Variants in CATSPER2 observed in about 807,000 individuals in gnomAD.
CATSPER2 encodes cation channel sperm associated 2.
CATSPER2 carries 56 observed loss-of-function variants against 68.8 expected under a neutral mutation model. The observed-to-expected ratio is 0.81, with a 90% CI of 0.66 to 1.02. The LOEUF (loss-of-function observed/expected upper bound fraction) is 1.02. Among genes scored for constraint, CATSPER2 ranks in the 50% least tolerant of loss-of-function variants. CATSPER2 has a pLI of 0.00. For synonymous variants in CATSPER2, 198 were observed against 229.9 expected, an observed-to-expected ratio of 0.86 and a Z score of 1.26; for missense variants, 582 against 642.0, an observed-to-expected ratio of 0.91 and a Z score of 1.01.
chr15:43,645,114 C>A (rs571912104), intron 4 of CATSPER2, among the ~76,000 whole-genome samples: 7 of 151,892 alleles, frequency 4.6e-5, no homozygotes, highest in African/African-American at 7.2e-5. Flanking sequence ...GCTGGAGTTC[C>A]GTTGCATGAT....
At chr15:43,632,392 C>A (rs140896505) in intron 11 of CATSPER2, 29 bp from the exon 12 acceptor site, 13 of 1,611,720 alleles carry the variant, frequency 8.1e-6, no homozygotes. Flanking sequence ...CAGAAAAGCA[C>A]GTCTAGATTT....
At chr15:43,647,194 T>TGA (rs2086183920) in intron 3 of CATSPER2, 76 bp from the exon 4 acceptor site, 2 of 1,564,148 alleles carry the variant, frequency 1.3e-6, no homozygotes, top group Non-Finnish European at 1.8e-6. Context: ...AGCAATAACA[T>TGA]AAGCAGTGAA....
At position 43,635,805 on chromosome 15, in the gene CATSPER2, C is replaced by T. The variant is rs1379072948; in HGVS notation, c.1043G>A (p.Arg348Lys). The T allele has an allele frequency of 9.3e-6, 15 of 1,613,400 alleles. 1 individual carries two copies. The highest frequency in any genetic ancestry group is 1.2e-5 in the Non-Finnish European group (14 of 1,179,740). ...AMMVTNFQNI[R>K]KELNEEMARR... ...CGCCATCTCCTCATTCAGCTCTTTC[C>T]TGATATTCTGAAAGTTAGTAACTGC... is the stretch of plus-strand genomic sequence containing the variant. The change falls in exon 9 of 13, where the codon AGG becomes AAG. Residue 348 changes from arginine (R) to lysine (K), a missense_variant. Physicochemically the swap from Arg to Lys is conservative, Grantham distance 26. This residue lies in a region of CATSPER2 where 235 missense variants were observed against 264.2 expected (regional missense o/e 0.89). Transcript: ENST00000396879.
chr15:43,646,269 G>C (rs1443447637), intron 4 of CATSPER2, among the ~76,000 whole-genome samples: 1 of 149,664 alleles, frequency 6.7e-6, no homozygotes, highest in Admixed American at 6.7e-5. Context: ...GTATACTCTT[G>C]AGAGCCTCCA....
chr15:43,635,622 A>T, intron 9 of CATSPER2, 105 bp downstream of exon 9: 1 of 1,134,346 alleles, frequency 8.8e-7, no homozygotes, highest in Non-Finnish European at 1.3e-6. Context: ...CTTGGGGGCA[A>T]ATCTACTGTC....
chr15:43,646,355 C>T lies in CATSPER2; in HGVS notation c.388+695G>A, dbSNP rs372858749. The stretch of plus-strand genomic sequence containing the variant: ...AGCTCACTGCAACCTCGGCTTCCCA[C>T]GATCAAGCGTCCTCCTGCCTCAGCC... On this transcript the variant is annotated intron_variant, in intron 4 of 12. Transcript: ENST00000396879. 2.1e-4 allele frequency among the ~76,000 whole-genome samples: 32 copies of T among 151,434 alleles called. No individual in the cohort carries two copies. The East Asian group carries it at 2.9e-3, about 14-fold the overall frequency.
intron 4 of CATSPER2, among the ~76,000 whole-genome samples, chr15:43,641,925 T>C (rs1458980443): frequency 6.6e-6 from 1 of 151,884 alleles, no homozygotes; most frequent in Non-Finnish European, 1.5e-5. Flanking sequence ...CTCAAACTGC[T>C]GGGCTAAAGC....
In CATSPER2 at chr15:43,639,704, T is replaced by C. The variant is rs200931532; in HGVS notation, c.656A>G (p.Lys219Arg). ...AATTTGACGGAATTGTGCAAGGAGT[T>C]TGAGAGACCTCAGCACCCGGCAGAT... ...LRICRVLRSL[K>R]LLAQFRQIQI... Residue 219 changes from lysine (K) to arginine (R), a missense_variant, in exon 6 of 13, where the codon AAA becomes AGA. This residue lies in a region of CATSPER2 where 45 missense variants were observed against 80.2 expected (regional missense o/e 0.56). Transcript: ENST00000396879. 263 of 1,613,122 alleles carry C rather than the reference T, an allele frequency of 1.6e-4. No individual in the cohort carries two copies. The highest frequency in any genetic ancestry group is 2.2e-4 in the Non-Finnish European group (260 of 1,179,638).
chr15:43,647,183 G>A (rs2086183623), intron 3 of CATSPER2, 65 bp from the exon 4 acceptor site: 4 of 1,568,066 alleles, frequency 2.6e-6, no homozygotes, highest in Non-Finnish European at 3.5e-6. Flanking sequence ...GAAATAATAA[G>A]AGCAATAACA....
intron 4 of CATSPER2, among the ~76,000 whole-genome samples, chr15:43,644,967 T>C (rs1250057807): frequency 1.3e-5 from 2 of 152,014 alleles, no homozygotes; most frequent in Admixed American, 1.3e-4. Context: ...GAGGAGGAAA[T>C]AAAACACCTC....
rs1488639280 is a variant in CATSPER2 at position 43,630,325 on chromosome 15, C to G, written c.*376G>C. Reference sequence around the variant, plus strand: ...CCTTATGCCTTTCAATATCCCTTATCTCAGGGTCACACTACTGAGCAGCTA... The same window carrying G: ...CCTTATGCCTTTCAATATCCCTTATGTCAGGGTCACACTACTGAGCAGCTA... On this transcript the variant is annotated 3_prime_UTR_variant, in exon 13 of 13. Coordinates refer to ENST00000396879, the MANE Select transcript of CATSPER2 (RefSeq NM_172095.4). 1.3e-5 allele frequency: 4 copies of G among 306,816 alleles called. No homozygotes were observed. The highest frequency in any genetic ancestry group is 1.3e-4 in the Admixed American group (3 of 23,664). 19.0% of individuals were successfully genotyped at this position (306,816 alleles called of 1,614,324 possible).
chr15:43,639,927 C>G, intron 5 of CATSPER2, 129 bp from the exon 6 acceptor site: 2 of 1,578,568 alleles, frequency 1.3e-6, no homozygotes, highest in Non-Finnish European at 1.7e-6. Context: ...CTGAGAAGTG[C>G]TTACTATTCA....
At chr15:43,635,031 C>G (rs2085938720) in intron 10 of CATSPER2, 1 of 362,106 alleles carries the variant, frequency 2.8e-6, no homozygotes, top group African/African-American at 2.1e-5. Context: ...TCCGTCTTCA[C>G]ATCGCCTTCT....
rs1014447558 is a variant in CATSPER2 at position 43,648,614 on chromosome 15, G to A, written c.-3+15C>T. On this transcript the variant is annotated intron_variant, in intron 1 of 12. Transcript: ENST00000396879. The stretch of plus-strand genomic sequence containing the variant: ...CTAGCTCCTTCTCTCCTCCATTCTC[G>A]CTTCTGGGCCTCACCTCAGCCCAGG... The A allele has an allele frequency of 7.2e-7, 1 of 1,382,014 alleles. No individual in the cohort carries two copies. The highest frequency in any genetic ancestry group is 2.8e-5 in the East Asian group (1 of 35,252). The allele number at this position is 1,382,014 out of a possible 1,614,324, so 85.6% of individuals were successfully genotyped here. A position where few individuals can be genotyped will look rare whatever the true frequency, so the allele number is the denominator to read the frequency against.
intron 2 of CATSPER2, among the ~76,000 whole-genome samples, 194 bp downstream of exon 2, chr15:43,647,723 A>G (rs2086196708): frequency 6.6e-6 from 1 of 151,984 alleles, no homozygotes; most frequent in Non-Finnish European, 1.5e-5. Flanking sequence ...CTTCCCAATC[A>G]TCCATGGCTA....
chr15:43,640,214 A>C (rs1198933599), intron 5 of CATSPER2, 110 bp downstream of exon 5: 1 of 1,581,204 alleles, frequency 6.3e-7, no homozygotes, highest in Non-Finnish European at 8.6e-7. Context: ...CAAAAGAAAG[A>C]AGTTAAGTAA....
chr15:43,647,538 G>A (rs1178030400), intron 2 of CATSPER2, 71 bp from the exon 3 acceptor site: 27 of 1,437,300 alleles, frequency 1.9e-5, no homozygotes, highest in Non-Finnish European at 2.4e-5. Context: ...TGGGGGCAGG[G>A]ATACTGGTCA....
intron 2 of CATSPER2, 144 bp downstream of exon 2, chr15:43,647,773 A>G: frequency 9.6e-6 from 9 of 935,388 alleles, no homozygotes; most frequent in Middle Eastern, 2.8e-4. Flanking sequence ...CGTGGATTCT[A>G]TCTCTTCAGT....
At chr15:43,645,385 G>A (rs1213169582) in intron 4 of CATSPER2, among the ~76,000 whole-genome samples, 1 of 151,868 alleles carries the variant, frequency 6.6e-6, no homozygotes, top group Non-Finnish European at 1.5e-5. Context: ...GGGACTTGGA[G>A]CTAGAGGCAG....
Sources: gnomAD v4.1 joint callset for allele counts (sites outside exome capture counted in the v4.1 genomes callset) on GRCh38, gnomAD v4.1.1 for gene constraint, gnomAD v4.1.1 regional missense constraint, MANE v1.5 for transcripts, NCBI Gene and HGNC (gene_info 2026-07-23, HGNC 2026-07-21) for gene names.